CTNNA2: variants seen among roughly 807,000 people sequenced by gnomAD.
The protein encoded by CTNNA2 is catenin alpha-2.
A neutral mutation model predicts 101.0 loss-of-function variants in CTNNA2; 42 were observed. That is an observed-to-expected ratio of 0.42 (90% confidence interval 0.32 to 0.54). The LOEUF (loss-of-function observed/expected upper bound fraction) is 0.54, where lower values mean the gene tolerates loss of function less well. Among genes scored for constraint, CTNNA2 ranks in the 20% least tolerant of loss-of-function variants. The probability of loss-of-function intolerance (pLI) is 0.14; values close to 1 mark genes in which losing one functional copy is unlikely to be tolerated. For synonymous variants in CTNNA2, 450 were observed against 456.4 expected, an observed-to-expected ratio of 0.99 and a Z score of 0.18; for missense variants, 871 against 1,223.1, an observed-to-expected ratio of 0.71 and a Z score of 4.29.
At chr2:79,405,671 A>G (rs1451232193) in intron 4 of CTNNA2, among the ~76,000 whole-genome samples, 2 of 151,990 alleles carry the variant, frequency 1.3e-5, no homozygotes, top group Admixed American at 6.6e-5. Context: ...GAGTAATTGT[A>G]TATATTTATG....
chr2:79,591,114 A>G (rs1473060323), intron 1 of CTNNA2, among the ~76,000 whole-genome samples: 2 of 152,346 alleles, frequency 1.3e-5, no homozygotes, highest in Middle Eastern at 3.4e-3. Flanking sequence ...AAGTTAAACA[A>G]CAAGGTTTTG....
At chr2:79,852,640 G>A (rs1332713532) in intron 3 of CTNNA2, among the ~76,000 whole-genome samples, 1 of 152,248 alleles carries the variant, frequency 6.6e-6, no homozygotes, top group Non-Finnish European at 1.5e-5. Flanking sequence ...TCACCAGGCT[G>A]GAGTACAGTG....
At chr2:79,339,128 G>T (rs1251353720) in intron 3 of CTNNA2, among the ~76,000 whole-genome samples, 1 of 132,000 alleles carries the variant, frequency 7.6e-6, no homozygotes, top group African/African-American at 3.0e-5. Flanking sequence ...TGTAGGGAGA[G>T]AGTGAACAGG....
At chr2:79,228,699 T>G (rs1351821781) in intron 2 of CTNNA2, among the ~76,000 whole-genome samples, 1 of 152,174 alleles carries the variant, frequency 6.6e-6, no homozygotes, top group Non-Finnish European at 1.5e-5. Flanking sequence ...TTCTGCAGGC[T>G]GTCTGTTTAC....
At chr2:79,286,920 A>G (rs1286236100) in intron 2 of CTNNA2, among the ~76,000 whole-genome samples, 1 of 152,130 alleles carries the variant, frequency 6.6e-6, no homozygotes, top group Non-Finnish European at 1.5e-5. Context: ...GTCTTTTCAC[A>G]TAGTCCCATA....
In CTNNA2 at chr2:80,303,940, C is replaced by T; in HGVS notation, c.1057-89271C>T. ...GGAGGGGGAGAAAAGGGCAAAAAAT[C>T]AAATAAATACATAGAAATAAAGAAG... On this transcript the variant is annotated intron_variant, in intron 7 of 18. Transcript: ENST00000402739. The surrounding 1 kb of genome is among the most constrained non-coding windows in gnomAD (Gnocchi z 7.7). The T allele has an allele frequency of 8.5e-7, 1 of 1,176,500 alleles. No individual in the cohort carries two copies. Among genetic ancestry groups the T allele is most frequent in the East Asian group, 2.7e-5 (1 of 37,080 alleles). The allele number at this position is 1,176,500 out of a possible 1,614,324, so 72.9% of individuals were successfully genotyped here.
intron 7 of CTNNA2, among the ~76,000 whole-genome samples, chr2:80,035,363 A>C (rs975331406): frequency 6.6e-6 from 1 of 152,202 alleles, no homozygotes; most frequent in Non-Finnish European, 1.5e-5. Context: ...CCTAAAAAAA[A>C]TTGGGAAGAT....
At chr2:79,244,467 G>T (rs948114046) in intron 2 of CTNNA2, among the ~76,000 whole-genome samples, 1 of 152,096 alleles carries the variant, frequency 6.6e-6, no homozygotes, top group African/African-American at 2.4e-5. Flanking sequence ...TTTGTTTGGC[G>T]AGTTTTGTTG....
intron 4 of CTNNA2, among the ~76,000 whole-genome samples, chr2:79,501,471 G>T (rs1249195531): frequency 6.6e-6 from 1 of 152,042 alleles, no homozygotes; most frequent in Non-Finnish European, 1.5e-5. Context: ...TTAAGGCAAG[G>T]CTCTGTAAAA....
rs753815778 is a variant in CTNNA2, at chr2:80,462,631, C to CTTTTTTTTTTTTTTTTTTTTTTTTT, written c.1290+43051_1290+43052insTTTTTTTTTTTTTTTTTTTTTTTTT. Among the ~76,000 whole-genome samples, 3 of 94,770 alleles carry CTTTTTTTTTTTTTTTTTTTTTTTTT rather than the reference C, an allele frequency of 3.2e-5. 1 individual carries two copies. The highest frequency in any genetic ancestry group is 5.7e-5 in the Non-Finnish European group (3 of 52,252). 62.2% of individuals were successfully genotyped at this position (94,770 alleles called of 152,430 possible). On this transcript the variant is annotated intron_variant, in intron 9 of 18. Coordinates refer to ENST00000402739, the MANE Select transcript of CTNNA2 (RefSeq NM_001282597.3). The stretch of plus-strand genomic sequence containing the variant: ...CCTTCCTTTCCTTCTTTCTTTCTTT[C>CTTTTTTTTTTTTTTTTTTTTTTTTT]TTTTTTTTTTTTTTTTTTTTTGACG...
At chr2:80,211,378 T>G (rs1219997137) in intron 7 of CTNNA2, among the ~76,000 whole-genome samples, 1 of 152,206 alleles carries the variant, frequency 6.6e-6, no homozygotes, top group Non-Finnish European at 1.5e-5. Flanking sequence ...TAATCCATCT[T>G]GAGTTAATTT....
At chr2:79,692,214 T>C (rs977920720) in intron 2 of CTNNA2, among the ~76,000 whole-genome samples, 1 of 152,104 alleles carries the variant, frequency 6.6e-6, no homozygotes, top group African/African-American at 2.4e-5. Context: ...GTGAAGGATA[T>C]GAACAGATCC....
intron 12 of CTNNA2, among the ~76,000 whole-genome samples, chr2:80,567,271 G>A (rs1196698687): frequency 2.0e-5 from 3 of 152,166 alleles, no homozygotes; most frequent in African/African-American, 7.2e-5. Flanking sequence ...TAAAATGGTG[G>A]CCAGCTTCTA....
At chr2:80,200,677 A>G (rs1049433237) in intron 7 of CTNNA2, among the ~76,000 whole-genome samples, 5 of 152,214 alleles carry the variant, frequency 3.3e-5, no homozygotes, top group African/African-American at 1.2e-4. Flanking sequence ...CTGGGATTAC[A>G]GGCACCTGCC....
chr2:80,564,510 T>G lies in CTNNA2; in HGVS notation c.1741+8617T>G, dbSNP rs1434749749. Among the ~76,000 whole-genome samples, 17 of 12,982 alleles carry G rather than the reference T, an allele frequency of 1.3e-3. 1 individual carries two copies. In the East Asian group the frequency reaches 0.022, roughly 17 times the overall value. 8.5% of individuals were successfully genotyped at this position (12,982 alleles called of 152,430 possible). A position where few individuals can be genotyped will look rare whatever the true frequency, so the allele number is the denominator to read the frequency against. On this transcript the variant is annotated intron_variant, in intron 12 of 18. Coordinates refer to ENST00000402739, the MANE Select transcript of CTNNA2 (RefSeq NM_001282597.3). The stretch of plus-strand genomic sequence containing the variant: ...GTTGTCGTGAATGGAATTTAGAGAG[T>G]TTTTTTTTTTTTTTTTACCCCCTCC...
chr2:79,442,857 G>T (rs1282051379), intron 4 of CTNNA2, among the ~76,000 whole-genome samples: 1 of 152,018 alleles, frequency 6.6e-6, no homozygotes, highest in East Asian at 1.9e-4. Flanking sequence ...GTCAGGGCTT[G>T]GCCTTCCTGC....
intron 7 of CTNNA2, among the ~76,000 whole-genome samples, chr2:80,099,860 AATC>A (rs1262663614): frequency 6.6e-6 from 1 of 152,140 alleles, no homozygotes; most frequent in East Asian, 1.9e-4. Flanking sequence ...GACAGTAAAA[AATC>A]ATATTACTGG....
At chr2:79,508,989 ATATATAT>A (rs1426016194), upstream of CTNNA2, among the ~76,000 whole-genome samples, 1 of 52,628 alleles carries the variant, frequency 1.9e-5, no homozygotes, top group African/African-American at 7.0e-5. Flanking sequence ...ATATATATAT[ATATATAT>A]ATATATATAT....
intron 7 of CTNNA2, among the ~76,000 whole-genome samples, chr2:80,265,707 A>C (rs1290509256): frequency 6.6e-6 from 1 of 152,166 alleles, no homozygotes; most frequent in Non-Finnish European, 1.5e-5. Context: ...TGATCTACTC[A>C]GCTAATATAT....
Sources: gnomAD v4.1 joint callset for allele counts (sites outside exome capture counted in the v4.1 genomes callset) on GRCh38, gnomAD v4.1.1 for gene constraint, Gnocchi (gnomAD v3.1) non-coding constraint, MANE v1.5 for transcripts, NCBI Gene and HGNC (gene_info 2026-07-23, HGNC 2026-07-21) for gene names.